Variants in CXorf38 observed in about 807,000 individuals in gnomAD.
CXorf38 encodes uncharacterized protein CXorf38.
A neutral mutation model predicts 27.5 loss-of-function variants in CXorf38; 13 were observed. That is an observed-to-expected ratio of 0.47 (90% confidence interval 0.31 to 0.75). The LOEUF is 0.75. CXorf38 is among the 30% of genes least tolerant of loss of function. The pLI is 0.05. For missense variants in CXorf38, 240 were observed against 253.2 expected, an observed-to-expected ratio of 0.95 and a Z score of 0.35; for synonymous variants, 100 against 99.8, an observed-to-expected ratio of 1.00 and a Z score of -0.01.
intron 1 of CXorf38, 44 bp downstream of exon 1, chrX:40,647,261 G>C (rs759531815): frequency 4.5e-6 from 5 of 1,108,520 alleles, no homozygotes; most frequent in Non-Finnish European, 5.9e-6. Flanking sequence ...GATGAGGAGG[G>C]GTGGGGTGGG....
At chrX:40,646,927 G>A in intron 2 of CXorf38, 80 bp downstream of exon 2, 1 of 1,076,433 alleles carries the variant, frequency 9.3e-7, no homozygotes, top group Non-Finnish European at 1.2e-6. Flanking sequence ...TGAGGCCCCG[G>A]CGACCACAAG....
At position 40,647,238 on chromosome X, in the gene CXorf38, G is replaced by A. The variant is rs1210904339; in HGVS notation, c.216+67C>T. ...ACAGGACACTTGCGCTCTGGGTCTGGGACAGGAACGGGGATGAGGAGGGGT... is the reference window on the plus strand; with the variant it reads ...ACAGGACACTTGCGCTCTGGGTCTGAGACAGGAACGGGGATGAGGAGGGGT... On this transcript the variant is annotated intron_variant, in intron 1 of 6. Transcript: ENST00000327877. The A allele has an allele frequency of 4.4e-6, 5 of 1,133,498 alleles. No individual in the cohort carries two copies. In the East Asian group the frequency reaches 9.4e-5, roughly 21 times the overall value. 93.4% of individuals were successfully genotyped at this position (1,133,498 alleles called of 1,213,427 possible).
chrX:40,639,337 T>C lies in CXorf38; in HGVS notation c.352-209A>G, dbSNP rs1602424802. 8.1e-6 allele frequency: 3 copies of C among 370,429 alleles called. 1 individual carries two copies. In the Admixed American group the frequency reaches 1.5e-4, roughly 18 times the overall value. The allele number at this position is 370,429 out of a possible 1,213,427, so 30.5% of individuals were successfully genotyped here. ...GGGCAATAACTGAAGGGCTGTATTA[T>C]CCCTGCTATTAGATACATATGATAT... On this transcript the variant is annotated intron_variant, in intron 2 of 6. Transcript: ENST00000327877.
At chrX:40,631,677 T>A (rs1220448100) in intron 5 of CXorf38, among the ~76,000 whole-genome samples, 1 of 111,609 alleles carries the variant, frequency 9.0e-6, no homozygotes, top group Non-Finnish European at 1.9e-5. Flanking sequence ...TGAAGAAAAA[T>A]AACGGAGCAC....
At position 40,641,307 on chromosome X, in the gene CXorf38, CAGT is replaced by C. The variant is rs201110738; in HGVS notation, c.352-2182_352-2180del. ...GCCTTAGTCACCTCCGAATCAGGTG[CAGT>C]AGTTTTCTTTTCCATTATAAGGTAG... On this transcript the variant is annotated intron_variant, in intron 2 of 6. Coordinates refer to ENST00000327877, the MANE Select transcript of CXorf38 (RefSeq NM_144970.3). Among the ~76,000 whole-genome samples, 74 of 112,053 alleles carry C rather than the reference CAGT, an allele frequency of 6.6e-4. 2 individuals carry two copies. In the East Asian group the frequency reaches 0.019, roughly 29 times the overall value.
Position 40,647,079 on chromosome X carries a change from G to C in CXorf38, c.279C>G (p.Asn93Lys). Residue 93 changes from asparagine to lysine, a missense_variant, in exon 2 of 7, where the codon AAC (asparagine) becomes AAG (lysine). Asn to Lys is a moderately conservative substitution (Grantham distance 94, BLOSUM62 0). Coordinates refer to ENST00000327877, the MANE Select transcript of CXorf38 (RefSeq NM_144970.3). The part of the protein sequence containing the change: ...WKREILRHHV[N>K]RNGDVHWGNC... ...TTCCCCAGTGCACATCTCCATTTCT[G>C]TTGACATGATGTCTCAAAATCTCCC... 1 of 1,212,026 alleles carries C rather than the reference G, an allele frequency of 8.3e-7. No individual in the cohort carries two copies.
chrX:40,633,426 C>T (rs752867087), intron 5 of CXorf38, among the ~76,000 whole-genome samples: 2 of 111,396 alleles, frequency 1.8e-5, no homozygotes, highest in Non-Finnish European at 3.8e-5. Context: ...TGACATTCGT[C>T]CCCACTCTGC....
intron 3 of CXorf38, among the ~76,000 whole-genome samples, chrX:40,637,792 CCTT>C (rs1928140737): frequency 8.9e-6 from 1 of 112,145 alleles, no homozygotes; most frequent in Non-Finnish European, 1.9e-5. Flanking sequence ...TTTTCTCCCT[CCTT>C]GAGTCTCTGG....
At position 40,628,304 on chromosome X, in the gene CXorf38, C is replaced by T. The variant is rs1927622624; in HGVS notation, c.*1860G>A. On this transcript the variant is annotated 3_prime_UTR_variant, in exon 7 of 7. Coordinates refer to ENST00000327877, the MANE Select transcript of CXorf38 (RefSeq NM_144970.3). ...ACACCAAATAAACCCCTGCCCTCCA[C>T]CCATTCTACAGATGACATCCTTGGT... is the stretch of plus-strand genomic sequence containing the variant. The T allele has an allele frequency of 8.9e-6, 1 of 112,241 alleles. No individual in the cohort carries two copies. Among genetic ancestry groups the T allele is most frequent in the African/African-American group, 3.2e-5 (1 of 30,868 alleles). 9.2% of individuals were successfully genotyped at this position (112,241 alleles called of 1,213,427 possible).
rs763447026 is a variant in CXorf38 at position 40,637,133 on chromosome X, G to T, written c.495C>A (p.Ile165=). ...VTEVIKCRNE[I]MHSSEMKVSS... ...ATACTTTCATCTCTGAAGAGTGCAT[G>T]ATCTCATTACGACATTTAATTACCT... Residue 165 remains isoleucine (I), a synonymous_variant, in exon 4 of 7, where the codon ATC becomes ATA. Transcript: ENST00000327877. 8.4e-7 allele frequency: 1 copy of T among 1,187,621 alleles called. No individual in the cohort carries two copies. The highest frequency in any genetic ancestry group is 3.0e-5 in the East Asian group (1 of 33,358).
At chrX:40,637,704 A>G (rs1236097832) in intron 3 of CXorf38, among the ~76,000 whole-genome samples, 1 of 112,334 alleles carries the variant, frequency 8.9e-6, no homozygotes, top group African/African-American at 3.2e-5. Context: ...TGCAGGACAA[A>G]TAAGACATGA....
At chrX:40,645,372 G>A (rs1393064977) in intron 2 of CXorf38, among the ~76,000 whole-genome samples, 1 of 111,568 alleles carries the variant, frequency 9.0e-6, no homozygotes, top group African/African-American at 3.3e-5. Flanking sequence ...GAGGAGCAAA[G>A]AGTGGTATAA....
intron 2 of CXorf38, chrX:40,640,028 G>T (rs1412874979): frequency 5.0e-6 from 1 of 199,110 alleles, no homozygotes; most frequent in Non-Finnish European, 9.3e-6. Flanking sequence ...CAAGGGACTA[G>T]AACAAAAAGT....
intron 2 of CXorf38, among the ~76,000 whole-genome samples, chrX:40,642,338 G>T (rs189383596): frequency 3.3e-4 from 37 of 111,450 alleles, no homozygotes; most frequent in African/African-American, 1.2e-3. Flanking sequence ...GGATGTGTGC[G>T]TCTAGAACTC....
chrX:40,630,914 A>C, intron 5 of CXorf38, 141 bp from the exon 6 acceptor site: 1 of 457,219 alleles, frequency 2.2e-6, no homozygotes, highest in Non-Finnish European at 3.4e-6. Flanking sequence ...GCATCTGTCC[A>C]CAGACAGGTT....
chrX:40,636,247 C>G (rs1187206138), intron 5 of CXorf38, among the ~76,000 whole-genome samples: 1 of 112,759 alleles, frequency 8.9e-6, no homozygotes, highest in East Asian at 2.8e-4. Context: ...ACCTGACCAG[C>G]AGAGAATGTC....
At chrX:40,630,500 G>T in intron 6 of CXorf38, 114 bp downstream of exon 6, 1 of 746,791 alleles carries the variant, frequency 1.3e-6, no homozygotes, top group African/African-American at 2.1e-5. Flanking sequence ...AAGGACAAAG[G>T]CAAACTTCAG....
In CXorf38 at chrX:40,627,009, T is replaced by C. The variant is rs1273571276; in HGVS notation, c.*3155A>G. 8.9e-6 allele frequency: 1 copy of C among 111,746 alleles called. No individual in the cohort carries two copies. Among genetic ancestry groups the C allele is most frequent in the Non-Finnish European group, 1.9e-5 (1 of 53,149 alleles). The allele number at this position is 111,746 out of a possible 1,213,427, so 9.2% of individuals were successfully genotyped here. A position where few individuals can be genotyped will look rare whatever the true frequency, so the allele number is the denominator to read the frequency against. ...ACCAGTACATGTTTGTTGTAAAAAT[T>C]TCACCTAGGAGGATATAAAATAGAA... On this transcript the variant is annotated 3_prime_UTR_variant, in exon 7 of 7. Coordinates refer to ENST00000327877, the MANE Select transcript of CXorf38 (RefSeq NM_144970.3).
In CXorf38 at chrX:40,647,553, G is replaced by A. The variant is rs746831984; in HGVS notation, c.-33C>T. On this transcript the variant is annotated 5_prime_UTR_variant, in exon 1 of 7. The change creates a new upstream start codon in the 5' untranslated region. Coordinates refer to ENST00000327877, the MANE Select transcript of CXorf38 (RefSeq NM_144970.3). Reference sequence around the variant, plus strand: ...ACTTGGAACCAGGAGGTTGCGGGGCGTGGCGGACGGCAGTGCGCAGGCGCG... The same window carrying A: ...ACTTGGAACCAGGAGGTTGCGGGGCATGGCGGACGGCAGTGCGCAGGCGCG... The A allele has an allele frequency of 1.3e-5, 15 of 1,169,112 alleles. No individual in the cohort carries two copies. Among genetic ancestry groups the A allele is most frequent in the Admixed American group, 9.7e-5 (4 of 41,350 alleles).
Sources: allele counts gnomAD v4.1 joint callset (sites outside exome capture counted in the v4.1 genomes callset), GRCh38; gene constraint gnomAD v4.1.1; transcripts MANE v1.5; gene names NCBI Gene and HGNC (gene_info 2026-07-23, HGNC 2026-07-21).